The following PPP1R13B variants were observed in gnomAD, a reference collection of about 807,000 sequenced individuals.
PPP1R13B encodes protein phosphatase 1 regulatory subunit 13B.
PPP1R13B carries 44 observed loss-of-function variants against 119.8 expected under a neutral mutation model. That is an observed-to-expected ratio of 0.37 (90% CI 0.29 to 0.47). The LOEUF (loss-of-function observed/expected upper bound fraction) is 0.47, where lower values mean the gene tolerates loss of function less well. PPP1R13B is among the 20% of genes least tolerant of loss of function. The pLI, the probability that PPP1R13B is intolerant of heterozygous loss-of-function variation, is 0.99. For missense variants in PPP1R13B, 1,227 were observed against 1,413.5 expected, an observed-to-expected ratio of 0.87 and a Z score of 2.12; for synonymous variants, 542 against 561.5, an observed-to-expected ratio of 0.97 and a Z score of 0.49.
chr14:103,845,336 T>C (rs903933911), intron 1 of PPP1R13B, among the ~76,000 whole-genome samples: 1 of 152,232 alleles, frequency 6.6e-6, no homozygotes, highest in African/African-American at 2.4e-5. Flanking sequence ...GACTCAGTCC[T>C]ACAAGTAGTA....
intron 1 of PPP1R13B, among the ~76,000 whole-genome samples, chr14:103,819,065 C>T (rs1284640122): frequency 6.6e-6 from 1 of 152,106 alleles, no homozygotes; most frequent in Non-Finnish European, 1.5e-5. Context: ...GAAGGAAGAC[C>T]ATTCAGGCGA....
chr14:103,772,736 G>A (rs1429454337), intron 4 of PPP1R13B, among the ~76,000 whole-genome samples: 4 of 150,868 alleles, frequency 2.7e-5, no homozygotes, highest in East Asian at 1.9e-4. Context: ...GCAGTGGCGC[G>A]ATCTCAGCTC....
intron 1 of PPP1R13B, among the ~76,000 whole-genome samples, chr14:103,821,793 G>A (rs1284699539): frequency 6.6e-6 from 1 of 151,834 alleles, no homozygotes; most frequent in Non-Finnish European, 1.5e-5. Context: ...ATAAAGAGGA[G>A]CTGACCACAA....
In PPP1R13B at chr14:103,753,305, G is replaced by A. The variant is rs546914972; in HGVS notation, c.632-109C>T. The A allele has an allele frequency of 9.7e-6, 11 of 1,131,912 alleles. No homozygotes were observed. In the South Asian group the frequency reaches 1.6e-4, roughly 17 times the overall value. 70.1% of individuals were successfully genotyped at this position (1,131,912 alleles called of 1,614,324 possible). On this transcript the variant is annotated intron_variant, in intron 6 of 16. Coordinates refer to ENST00000202556, the MANE Select transcript of PPP1R13B (RefSeq NM_015316.3). ...GTATCATTTAGTGCCAGACCGTGGA[G>A]AAAGCTGTGATATGCAGAATCCACA...
At chr14:103,835,478 T>C (rs2086754347) in intron 1 of PPP1R13B, among the ~76,000 whole-genome samples, 1 of 151,148 alleles carries the variant, frequency 6.6e-6, no homozygotes, top group Middle Eastern at 3.4e-3. Context: ...TTGCCCAGAC[T>C]GAAGTACAGT....
chr14:103,783,742 G>A (rs77541194), intron 3 of PPP1R13B, among the ~76,000 whole-genome samples: 2 of 151,794 alleles, frequency 1.3e-5, no homozygotes, highest in East Asian at 1.9e-4. Context: ...GTAGAGATGG[G>A]GTTTTGCCAT....
chr14:103,738,999 GCTT>G lies in PPP1R13B; in HGVS notation c.2614_2616del (p.Lys872del). On this transcript the variant is annotated inframe_deletion, in exon 13 of 17. Coordinates refer to ENST00000202556, the MANE Select transcript of PPP1R13B (RefSeq NM_015316.3). This position sits in a 1 kb window ranked among gnomAD's most constrained non-coding sequence, Gnocchi z 5.6. ...CCGTGCCCCGTCCGCTCCGAGTTGG[GCTT>G]CTTCAAGTTGGTCCGCTTGTTCTGT... 4 of 1,613,908 alleles carry G rather than the reference GCTT, an allele frequency of 2.5e-6. No individual in the cohort carries two copies. Among genetic ancestry groups the G allele is most frequent in the Non-Finnish European group, 3.4e-6 (4 of 1,179,900 alleles).
intron 1 of PPP1R13B, among the ~76,000 whole-genome samples, chr14:103,819,194 T>G (rs1209600086): frequency 6.6e-6 from 1 of 152,282 alleles, no homozygotes; most frequent in East Asian, 1.9e-4. Flanking sequence ...AAATGAGAGA[T>G]AAGCTACTAA....
chr14:103,739,706 C>T, intron 12 of PPP1R13B, 118 bp downstream of exon 12: 2 of 1,261,690 alleles, frequency 1.6e-6, no homozygotes, highest in Non-Finnish European at 2.1e-6. Flanking sequence ...AGACGTAACT[C>T]AGGGACATCC....
At chr14:103,829,647 C>T (rs1002014377) in intron 1 of PPP1R13B, among the ~76,000 whole-genome samples, 1 of 152,164 alleles carries the variant, frequency 6.6e-6, no homozygotes, top group African/African-American at 2.4e-5. Context: ...TCTCACTATG[C>T]CACCTAGGCT....
chr14:103,764,057 A>G (rs1225481113), intron 4 of PPP1R13B: 1 of 152,328 alleles, frequency 6.6e-6, no homozygotes, highest in Non-Finnish European at 1.5e-5. Flanking sequence ...AGCTGGTATG[A>G]GTAACAGTGC....
At position 103,734,891 on chromosome 14, in the gene PPP1R13B, T is replaced by G; in HGVS notation, c.*263A>C. 3.4e-6 allele frequency: 2 copies of G among 583,316 alleles called. No homozygotes were observed. Among genetic ancestry groups the G allele is most frequent in the Admixed American group, 2.2e-5 (1 of 44,864 alleles). 36.1% of individuals were successfully genotyped at this position (583,316 alleles called of 1,614,324 possible). A position where few individuals can be genotyped will look rare whatever the true frequency, so the allele number is the denominator to read the frequency against. ...ACTTCTTAATGGCAAGAGGGGTGGG[T>G]GTTTTGAAAGTGGGTATTTATTTGG... On this transcript the variant is annotated 3_prime_UTR_variant, in exon 17 of 17. Transcript: ENST00000202556.
chr14:103,776,168 A>AAGGGAAGGAGGGAGGGAGGGAG (rs1457222580), intron 4 of PPP1R13B, among the ~76,000 whole-genome samples: 2 of 61,610 alleles, frequency 3.2e-5, no homozygotes, highest in Admixed American at 1.8e-4. Flanking sequence ...GAGGAAGGGA[A>AAGGGAAGGAGGGAGGGAGGGAG]GGAGGGAGGG....
rs1310039403 is a variant in PPP1R13B at position 103,794,383 on chromosome 14, G to A, written c.157+2988C>T. On this transcript the variant is annotated intron_variant, in intron 2 of 16. Coordinates refer to ENST00000202556, the MANE Select transcript of PPP1R13B (RefSeq NM_015316.3). ...CTCTTGTTGCCCAGGCTGGAGTGCA[G>A]TGGCACAATCTCGGCTCACTGCAAC... 2.7e-5 allele frequency among the ~76,000 whole-genome samples: 4 copies of A among 150,672 alleles called. No homozygotes were observed. In the Admixed American group the frequency reaches 2.7e-4, roughly 10 times the overall value.
chr14:103,799,550 T>C (rs2085846970), intron 1 of PPP1R13B, among the ~76,000 whole-genome samples: 1 of 151,230 alleles, frequency 6.6e-6, no homozygotes, highest in South Asian at 2.1e-4. Flanking sequence ...TGACCTCAAG[T>C]AATCCGCCTG....
chr14:103,770,514 T>TA lies in PPP1R13B; in HGVS notation c.354+8230dup, dbSNP rs143288938. 4.0e-3 allele frequency among the ~76,000 whole-genome samples: 587 copies of TA among 145,748 alleles called. 5 individuals are homozygous for TA. Among genetic ancestry groups the TA allele is most frequent in the African/African-American group, 0.012 (480 of 39,830 alleles). ...TGAGAGACACAGCAAGACACTGTCTTAAAAAAAAAAAAATTCATCCATATC... is the reference window on the plus strand; with the variant it reads ...TGAGAGACACAGCAAGACACTGTCTTAAAAAAAAAAAAAATTCATCCATATC... On this transcript the variant is annotated intron_variant, in intron 4 of 16. Transcript: ENST00000202556.
Position 103,742,378 on chromosome 14 carries a change from T to C in PPP1R13B, c.1321-87A>G. 1 of 1,461,140 alleles carries C rather than the reference T, an allele frequency of 6.8e-7. No individual in the cohort carries two copies. The highest frequency in any genetic ancestry group is 2.3e-5 in the East Asian group (1 of 43,716). 90.5% of individuals were successfully genotyped at this position (1,461,140 alleles called of 1,614,324 possible). On this transcript the variant is annotated intron_variant, in intron 10 of 16. Coordinates refer to ENST00000202556, the MANE Select transcript of PPP1R13B (RefSeq NM_015316.3). The surrounding 1 kb of genome is among the most constrained non-coding windows in gnomAD (Gnocchi z 4.9). ...CCCACATTCCCAAGAGAATACACAG[T>C]AGAATTTGTAATCCGTCAAATTGGC... is the stretch of plus-strand genomic sequence containing the variant.
intron 9 of PPP1R13B, among the ~76,000 whole-genome samples, chr14:103,745,360 T>G (rs1278785479): frequency 2.0e-5 from 3 of 152,180 alleles, no homozygotes; most frequent in Non-Finnish European, 4.4e-5. Context: ...AACACAGGCC[T>G]GATGGCCAGA....
chr14:103,738,381 T>A lies in PPP1R13B; in HGVS notation c.2864+298A>T, dbSNP rs557939618. On this transcript the variant is annotated intron_variant, in intron 14 of 16. Transcript: ENST00000202556. The surrounding 1 kb of genome is among the most constrained non-coding windows in gnomAD (Gnocchi z 5.6). ...CGGAGCACAGAGTGTGAAGAGTCCA[T>A]ACGGAACATATGAGAAGGGGAAGAT... 129 of 434,960 alleles carry A rather than the reference T, an allele frequency of 3.0e-4. No individual in the cohort carries two copies. The highest frequency in any genetic ancestry group is 2.4e-3 in the African/African-American group (119 of 50,088). 26.9% of individuals were successfully genotyped at this position (434,960 alleles called of 1,614,324 possible). A position where few individuals can be genotyped will look rare whatever the true frequency, so the allele number is the denominator to read the frequency against.
Sources: allele counts gnomAD v4.1 joint callset (sites outside exome capture counted in the v4.1 genomes callset), GRCh38; gene constraint gnomAD v4.1.1; non-coding constraint Gnocchi (gnomAD v3.1); transcripts MANE v1.5; gene names NCBI Gene and HGNC (gene_info 2026-07-23, HGNC 2026-07-21).